The following CREB5 variants were observed in gnomAD, a reference collection of about 807,000 sequenced individuals.
The protein encoded by CREB5 is cyclic AMP-responsive element-binding protein 5.
In CREB5, 19 loss-of-function variants were observed where a neutral mutation model predicts 57.1. The ratio of observed to expected loss-of-function variants is 0.33; its 90% CI spans 0.23 to 0.49. The LOEUF (loss-of-function observed/expected upper bound fraction) is 0.49. Among genes scored for constraint, CREB5 ranks in the 20% least tolerant of loss-of-function variants. The probability of loss-of-function intolerance (pLI) is 0.99; values close to 1 mark genes in which losing one functional copy is unlikely to be tolerated. For missense variants in CREB5, 579 were observed against 671.6 expected, an observed-to-expected ratio of 0.86 and a Z score of 1.52; for synonymous variants, 238 against 238.3, an observed-to-expected ratio of 1.00 and a Z score of 0.01.
At chr7:28,551,012 G>T (rs567387290) in intron 4 of CREB5, among the ~76,000 whole-genome samples, 1 of 152,162 alleles carries the variant, frequency 6.6e-6, no homozygotes, top group Admixed American at 6.5e-5. Context: ...ACTTGATGTG[G>T]ATTTGCTGAG....
At chr7:28,452,060 G>A (rs1583479362) in intron 1 of CREB5, among the ~76,000 whole-genome samples, 1 of 152,020 alleles carries the variant, frequency 6.6e-6, no homozygotes, top group African/African-American at 2.4e-5. Context: ...TCATCTATTG[G>A]TCTATTTCAG....
chr7:28,580,157 A>C (rs1207006286), intron 5 of CREB5, among the ~76,000 whole-genome samples: 3 of 152,170 alleles, frequency 2.0e-5, no homozygotes, highest in Non-Finnish European at 4.4e-5. Context: ...TGCCAAAACT[A>C]AACAAAAGGC....
chr7:28,360,529 G>A (rs1454265842), intron 1 of CREB5, among the ~76,000 whole-genome samples: 12 of 152,154 alleles, frequency 7.9e-5, no homozygotes. Context: ...CAGACTCACA[G>A]AAGCAGAGAG....
intron 1 of CREB5, among the ~76,000 whole-genome samples, chr7:28,420,357 A>G (rs1042764415): frequency 1.8e-4 from 28 of 152,136 alleles, no homozygotes; most frequent in African/African-American, 6.0e-4. Context: ...TTTATTTAAC[A>G]TTTAGAAGAT....
At chr7:28,654,332 C>T (rs1799252543) in intron 5 of CREB5, among the ~76,000 whole-genome samples, 1 of 152,216 alleles carries the variant, frequency 6.6e-6, no homozygotes, top group Admixed American at 6.5e-5. Flanking sequence ...GCTGCTTCTG[C>T]CTGTCAGTGG....
At chr7:28,539,843 C>T (rs747809286) in intron 4 of CREB5, among the ~76,000 whole-genome samples, 93 of 152,318 alleles carry the variant, frequency 6.1e-4, no homozygotes, top group Non-Finnish European at 9.6e-4. Flanking sequence ...GTTGATGAAC[C>T]ATCATGGTAT....
At chr7:28,666,633 A>G (rs1799835211) in intron 5 of CREB5, among the ~76,000 whole-genome samples, 1 of 152,156 alleles carries the variant, frequency 6.6e-6, no homozygotes, top group Non-Finnish European at 1.5e-5. Flanking sequence ...GAACAGGAGA[A>G]AATGGATACA....
intron 5 of CREB5, among the ~76,000 whole-genome samples, chr7:28,623,805 A>G (rs1213251646): frequency 6.6e-6 from 1 of 152,244 alleles, no homozygotes; most frequent in Non-Finnish European, 1.5e-5. Flanking sequence ...GTTTTGTGGT[A>G]TGCAAGTAAG....
intron 5 of CREB5, among the ~76,000 whole-genome samples, chr7:28,659,609 A>G (rs75746272): frequency 0.018 from 2,688 of 152,246 alleles, 35 homozygotes; most frequent in Non-Finnish European, 0.025. Flanking sequence ...TTTTACAATT[A>G]TTTTTAGTTT....
rs189933794 is a variant in CREB5, at chr7:28,381,471, T to G, written c.-25+82030T>G. 8.5e-5 allele frequency among the ~76,000 whole-genome samples: 13 copies of G among 152,354 alleles called. No homozygotes were observed. In the East Asian group the frequency reaches 2.5e-3, roughly 29 times the overall value. The stretch of plus-strand genomic sequence containing the variant: ...TCCCAGAGCTCCTCAAAATATCATG[T>G]AGCTTTCGGACTTTGATTTCTCATA... On this transcript the variant is annotated intron_variant, in intron 1 of 9. Coordinates refer to the CREB5 transcript ENST00000396299.
At chr7:28,299,784 A>T (rs1179265271) in intron 1 of CREB5, among the ~76,000 whole-genome samples, 1 of 152,228 alleles carries the variant, frequency 6.6e-6, no homozygotes, top group East Asian at 1.9e-4. Context: ...AGATAGATAT[A>T]TTTTGCAATG....
rs143377446 is a variant in CREB5, at chr7:28,504,040, T to C, written c.170-3576T>C. On this transcript the variant is annotated intron_variant, in intron 3 of 10. Coordinates refer to ENST00000357727, the MANE Select transcript of CREB5 (RefSeq NM_182898.4). Reference sequence around the variant, plus strand: ...CCAAATTTTAAATTCATTTTCTTTTTGTGAGTGAGCTATTCTTTCCAGTTA... The same window carrying C: ...CCAAATTTTAAATTCATTTTCTTTTCGTGAGTGAGCTATTCTTTCCAGTTA... Among the ~76,000 whole-genome samples the C allele has an allele frequency of 6.5e-4, 99 of 152,360 alleles. No individual in the cohort carries two copies. In the Middle Eastern group the frequency reaches 0.017, roughly 26 times the overall value.
At chr7:28,392,932 T>C (rs1787251571) in intron 1 of CREB5, among the ~76,000 whole-genome samples, 1 of 152,104 alleles carries the variant, frequency 6.6e-6, no homozygotes, top group African/African-American at 2.4e-5. Flanking sequence ...CAGCAATTTT[T>C]TTTTTTTTTG....
At chr7:28,631,456 A>G (rs2128693281) in intron 5 of CREB5, among the ~76,000 whole-genome samples, 1 of 152,320 alleles carries the variant, frequency 6.6e-6, no homozygotes, top group South Asian at 2.1e-4. Context: ...GGCATGAATT[A>G]TTTTGTTTAA....
At chr7:28,681,571 G>A (rs1240782520) in intron 5 of CREB5, among the ~76,000 whole-genome samples, 1 of 152,146 alleles carries the variant, frequency 6.6e-6, no homozygotes, top group African/African-American at 2.4e-5. Context: ...TGGGCCAGGT[G>A]CTAGGTGCTA....
intron 5 of CREB5, among the ~76,000 whole-genome samples, chr7:28,666,725 G>A (rs946019715): frequency 1.3e-4 from 20 of 151,906 alleles, no homozygotes; most frequent in African/African-American, 4.8e-4. Context: ...TACTCAGGAG[G>A]CCCAGGCAGG....
At chr7:28,562,256 T>A (rs543314857) in intron 4 of CREB5, among the ~76,000 whole-genome samples, 1 of 152,312 alleles carries the variant, frequency 6.6e-6, no homozygotes, top group African/African-American at 2.4e-5. Flanking sequence ...ATTCAAGGCA[T>A]TAAGAAACTG....
At chr7:28,397,231 G>T (rs1787356434) in intron 1 of CREB5, among the ~76,000 whole-genome samples, 1 of 152,234 alleles carries the variant, frequency 6.6e-6, no homozygotes, top group East Asian at 1.9e-4. Flanking sequence ...CCATCATTGG[G>T]ATAAACAGTG....
chr7:28,732,072 G>C (rs1489173404), intron 7 of CREB5, among the ~76,000 whole-genome samples: 1 of 152,084 alleles, frequency 6.6e-6, no homozygotes, highest in African/African-American at 2.4e-5. Flanking sequence ...GTGGAGTGGT[G>C]AATGAGCCCA....
Sources: allele counts gnomAD v4.1 joint callset (sites outside exome capture counted in the v4.1 genomes callset), GRCh38; gene constraint gnomAD v4.1.1; transcripts MANE v1.5; gene names NCBI Gene and HGNC (gene_info 2026-07-23, HGNC 2026-07-21).